The following MACROD2 variants were observed in gnomAD, a reference collection of about 807,000 sequenced individuals.
MACROD2 encodes mono-ADP ribosylhydrolase 2.
In MACROD2, 36 loss-of-function variants were observed where a neutral mutation model predicts 70.4. The observed-to-expected ratio is 0.51, with a 90% CI of 0.39 to 0.68. The LOEUF is 0.68. MACROD2 is among the 30% of genes least tolerant of loss of function. The pLI, the probability that MACROD2 is intolerant of heterozygous loss-of-function variation, is 0.00. For missense variants in MACROD2, 496 were observed against 538.4 expected, an observed-to-expected ratio of 0.92 and a Z score of 0.78; for synonymous variants, 172 against 178.8, an observed-to-expected ratio of 0.96 and a Z score of 0.30.
rs148838038 is a variant in MACROD2, at chr20:16,005,488, A to G, written c.1153+18330A>G. Among the ~76,000 whole-genome samples the G allele has an allele frequency of 6.9e-4, 105 of 152,296 alleles. 3 individuals carry two copies. The East Asian group carries it at 0.016, about 23-fold the overall frequency. On this transcript the variant is annotated intron_variant, in intron 15 of 17. Coordinates refer to ENST00000684519, the MANE Select transcript of MACROD2 (RefSeq NM_001351661.2). The stretch of plus-strand genomic sequence containing the variant: ...TATAACAGAAGCAACTGGCTCACTG[A>G]CATCAGAGAGAGCGTACTTCACCAG...
chr20:14,641,980 C>T (rs1342459486), intron 4 of MACROD2, among the ~76,000 whole-genome samples: 2 of 152,206 alleles, frequency 1.3e-5, no homozygotes, highest in Non-Finnish European at 2.9e-5. Context: ...CTTCCCTCTA[C>T]CTATGAAAGT....
At chr20:14,452,352 C>G (rs2084254599) in intron 3 of MACROD2, among the ~76,000 whole-genome samples, 1 of 151,920 alleles carries the variant, frequency 6.6e-6, no homozygotes, top group African/African-American at 2.4e-5. Context: ...GGATAATATT[C>G]TTTTATGATA....
intron 5 of MACROD2, among the ~76,000 whole-genome samples, chr20:14,805,317 C>T (rs1359960073): frequency 6.6e-6 from 1 of 152,024 alleles, no homozygotes; most frequent in Admixed American, 6.6e-5. Context: ...ATTGATCTTA[C>T]ATTTAGAGAA....
At chr20:15,392,829 G>A (rs751918822) in intron 6 of MACROD2, among the ~76,000 whole-genome samples, 1 of 150,762 alleles carries the variant, frequency 6.6e-6, no homozygotes, top group Non-Finnish European at 1.5e-5. Context: ...TTTCCTTCTA[G>A]AGTAAATAGT....
At chr20:14,178,649 G>A (rs1181797911) in intron 3 of MACROD2, among the ~76,000 whole-genome samples, 5 of 150,390 alleles carry the variant, frequency 3.3e-5, no homozygotes, top group African/African-American at 9.8e-5. Context: ...TACCTTTTTT[G>A]TACGGCTTTG....
intron 12 of MACROD2, among the ~76,000 whole-genome samples, chr20:15,951,648 C>T (rs1188630919): frequency 6.6e-6 from 1 of 152,010 alleles, no homozygotes; most frequent in African/African-American, 2.4e-5. Flanking sequence ...TATGTGTACT[C>T]AAAACAACAT....
chr20:14,693,423 A>G (rs1172791347), intron 5 of MACROD2, among the ~76,000 whole-genome samples: 2 of 152,228 alleles, frequency 1.3e-5, no homozygotes, highest in Admixed American at 6.5e-5. Flanking sequence ...CAGAGATGGC[A>G]GAATACATTT....
At chr20:15,678,022 G>A (rs780294856) in intron 8 of MACROD2, among the ~76,000 whole-genome samples, 54 of 151,880 alleles carry the variant, frequency 3.6e-4, no homozygotes, top group Non-Finnish European at 6.3e-4. Context: ...CCAAGATCAC[G>A]CCACTGCACT....
chr20:14,833,101 A>G (rs1340380294), intron 5 of MACROD2, among the ~76,000 whole-genome samples: 2 of 152,178 alleles, frequency 1.3e-5, no homozygotes, highest in Non-Finnish European at 2.9e-5. Flanking sequence ...CATTTTTAGC[A>G]TTAGTTAATT....
At chr20:15,750,913 G>T (rs181541388) in intron 8 of MACROD2, among the ~76,000 whole-genome samples, 1 of 150,094 alleles carries the variant, frequency 6.7e-6, no homozygotes, top group East Asian at 1.9e-4. Context: ...ATTTTAAGAG[G>T]TGTTTTTTTG....
chr20:14,475,493 G>GTAGCATCTTTTTGCACAT (rs1354962002), intron 3 of MACROD2, among the ~76,000 whole-genome samples: 3 of 151,814 alleles, frequency 2.0e-5, no homozygotes, highest in Middle Eastern at 3.2e-3. Flanking sequence ...GTTTCACACA[G>GTAGCATCTTTTTGCACAT]TAGCATCTTT....
intron 8 of MACROD2, among the ~76,000 whole-genome samples, chr20:15,830,031 C>T (rs7268466): frequency 0.22 from 34,093 of 151,952 alleles, 5,195 homozygotes; most frequent in African/African-American, 0.43. Context: ...ATGAACAGAA[C>T]GGAGGACGGG....
intron 3 of MACROD2, among the ~76,000 whole-genome samples, chr20:14,145,104 A>G (rs2054928215): frequency 1.3e-5 from 2 of 152,162 alleles, no homozygotes; most frequent in African/African-American, 4.8e-5. Context: ...TCCCTTGTAT[A>G]GATACATTAA....
intron 4 of MACROD2, among the ~76,000 whole-genome samples, chr20:14,537,891 C>T (rs1034785171): frequency 1.3e-5 from 2 of 152,160 alleles, no homozygotes; most frequent in African/African-American, 4.8e-5. Context: ...GAAACAGGAA[C>T]CTCTCAGAAA....
At chr20:15,323,533 C>T (rs908319138) in intron 6 of MACROD2, among the ~76,000 whole-genome samples, 1 of 151,984 alleles carries the variant, frequency 6.6e-6, no homozygotes, top group Non-Finnish European at 1.5e-5. Flanking sequence ...ATTTTGTCCC[C>T]ATCAATTGCT....
At chr20:15,866,698 T>G (rs1195808744) in intron 9 of MACROD2, among the ~76,000 whole-genome samples, 2 of 152,212 alleles carry the variant, frequency 1.3e-5, no homozygotes, top group Non-Finnish European at 2.9e-5. Context: ...TTTCATCTGC[T>G]GCCCATCATT....
intron 5 of MACROD2, among the ~76,000 whole-genome samples, chr20:14,841,139 T>C (rs60293796): frequency 0.028 from 4,209 of 152,254 alleles, 201 homozygotes; most frequent in African/African-American, 0.095. Flanking sequence ...TTGATATCTC[T>C]GTGCATTTAA....
intron 3 of MACROD2, among the ~76,000 whole-genome samples, chr20:14,398,432 A>ATTT (rs2083603333): frequency 7.1e-6 from 1 of 141,016 alleles, no homozygotes; most frequent in African/African-American, 2.6e-5. Flanking sequence ...GGTCTTTTTG[A>ATTT]TAATATCCAT....
chr20:14,358,157 G>T (rs982553), intron 3 of MACROD2, among the ~76,000 whole-genome samples: 89,761 of 152,156 alleles, frequency 0.59, 28,330 homozygotes, highest in Non-Finnish European at 0.71. Context: ...GAATAGTACT[G>T]TATAACAATT....
Sources: allele counts gnomAD v4.1 joint callset (sites outside exome capture counted in the v4.1 genomes callset), GRCh38; gene constraint gnomAD v4.1.1; transcripts MANE v1.5; gene names NCBI Gene and HGNC (gene_info 2026-07-23, HGNC 2026-07-21).